The following MDM2 variants were observed in gnomAD, a reference collection of about 807,000 sequenced individuals.
The protein encoded by MDM2 is MDM2 proto-oncogene, also known as E3 ubiquitin-protein ligase Mdm2.
Under a neutral mutation model 64.3 loss-of-function variants are expected in MDM2, and 11 were observed. The ratio of observed to expected loss-of-function variants is 0.17; its 90% confidence interval spans 0.11 to 0.28. The LOEUF (loss-of-function observed/expected upper bound fraction) is 0.28. Among genes scored for constraint, MDM2 ranks in the 10% least tolerant of loss-of-function variants. The pLI, the probability that MDM2 is intolerant of heterozygous loss-of-function variation, is 1.00. For missense variants in MDM2, 388 were observed against 577.1 expected (o/e 0.67, Z 3.36); for synonymous variants, 194 against 192.9 (o/e 1.01, Z -0.05).
chr12:68,810,250 C>T lies in MDM2; in HGVS notation c.99+958C>T, dbSNP rs376392657. On this transcript the variant is annotated intron_variant, in intron 2 of 10. Coordinates refer to ENST00000258149, the MANE Select transcript of MDM2 (RefSeq NM_002392.6). ...GCTTGAACCCAGGAGGCAGAGGTTG[C>T]GGTGAGCCAAGATTGCGCCATTTCA... Among the ~76,000 whole-genome samples the T allele has an allele frequency of 5.9e-3, 881 of 150,214 alleles. 13 individuals are homozygous for T. Among genetic ancestry groups the T allele is most frequent in the African/African-American group, 0.021 (854 of 40,800 alleles).
chr12:68,808,223 T>A lies in MDM2; in HGVS notation c.-255T>A. The A allele has an allele frequency of 1.8e-6, 1 of 543,182 alleles. No individual in the cohort carries two copies. Among genetic ancestry groups the A allele is most frequent in the Non-Finnish European group, 3.2e-6 (1 of 308,604 alleles). 33.6% of individuals were successfully genotyped at this position (543,182 alleles called of 1,614,324 possible). On this transcript the variant is annotated 5_prime_UTR_variant, in exon 1 of 11. Coordinates refer to ENST00000258149, the MANE Select transcript of MDM2 (RefSeq NM_002392.6). The stretch of plus-strand genomic sequence containing the variant: ...GGCGAGCTTGGCTGCTTCTGGGGCC[T>A]GTGTGGCCCTGTGTGTCGGAAAGAT...
chr12:68,850,679 G>A, the MDM2 span: 1 of 152,074 alleles, frequency 6.6e-6, no homozygotes, highest in African/African-American at 2.4e-5. Context: ...TTGTTATTCA[G>A]AACAAAAGCC....
intron 5 of MDM2, among the ~76,000 whole-genome samples, chr12:68,822,983 C>T (rs1451667683): frequency 1.3e-5 from 2 of 152,148 alleles, no homozygotes; most frequent in Admixed American, 6.5e-5. Context: ...TCAGGTGATC[C>T]TCCCACCTTG....
intron 9 of MDM2, 159 bp from the exon 10 acceptor site, chr12:68,836,513 C>T (rs893782495): frequency 2.2e-5 from 12 of 550,652 alleles, no homozygotes; most frequent in Non-Finnish European, 3.6e-5. Flanking sequence ...CTCTCTCCTC[C>T]ATTTTTTCCC....
chr12:68,824,713 A>G (rs1882159318), intron 7 of MDM2, 62 bp downstream of exon 7: 1 of 1,103,130 alleles, frequency 9.1e-7, no homozygotes. Flanking sequence ...CTCTAATGAA[A>G]TTAGTGCTTT....
chr12:68,838,978 AATG>A (rs1200280371), intron 10 of MDM2, among the ~76,000 whole-genome samples: 3 of 152,180 alleles, frequency 2.0e-5, no homozygotes, highest in Non-Finnish European at 4.4e-5. Flanking sequence ...TAAATAGTGA[AATG>A]ATCACTACAG....
Position 68,842,284 on chromosome 12 carries a change from T to C in MDM2, c.*2435T>C. The C allele has an allele frequency of 2.0e-6, 1 of 496,562 alleles. No homozygotes were observed. The highest frequency in any genetic ancestry group is 1.5e-5 in the South Asian group (1 of 64,864). 30.8% of individuals were successfully genotyped at this position (496,562 alleles called of 1,614,324 possible). A position where few individuals can be genotyped will look rare whatever the true frequency, so the allele number is the denominator to read the frequency against. On this transcript the variant is annotated 3_prime_UTR_variant, in exon 11 of 11. Transcript: ENST00000258149. Reference sequence around the variant, plus strand: ...CGGAAAGTTCAGGACATCAAAGAAGTCAGGCAAAACTCATCTTGACCCCTG... The same window carrying C: ...CGGAAAGTTCAGGACATCAAAGAAGCCAGGCAAAACTCATCTTGACCCCTG...
At chr12:68,850,292 A>T (rs1884609001), downstream of MDM2, 1 of 152,078 alleles carries the variant, frequency 6.6e-6, no homozygotes, top group Non-Finnish European at 1.5e-5. Context: ...TCCCAAAAAA[A>T]AAAAAAAAAG....
intron 4 of MDM2, among the ~76,000 whole-genome samples, chr12:68,817,588 A>G (rs1004479949): frequency 3.3e-5 from 5 of 151,780 alleles, no homozygotes; most frequent in Non-Finnish European, 5.9e-5. Flanking sequence ...TGTCTCTACT[A>G]AAAATACAAA....
At chr12:68,825,065 C>T (rs773506141) in intron 7 of MDM2, among the ~76,000 whole-genome samples, 27 of 151,766 alleles carry the variant, frequency 1.8e-4, no homozygotes, top group Non-Finnish European at 3.4e-4. Flanking sequence ...CAAAAAGTAG[C>T]TGGGCCTGGT....
At chr12:68,836,847 A>G (rs1004161739) in intron 10 of MDM2, 98 bp downstream of exon 10, 2 of 764,124 alleles carry the variant, frequency 2.6e-6, no homozygotes, top group African/African-American at 1.8e-5. Flanking sequence ...TGATTTTTAT[A>G]AAGTTAAAAT....
At chr12:68,849,441 GTCTC>G (rs1232144780), downstream of MDM2, 1 of 145,376 alleles carries the variant, frequency 6.9e-6, no homozygotes, top group Non-Finnish European at 1.5e-5. Context: ...TTTTGAGACA[GTCTC>G]TCACTCCAGG....
At chr12:68,810,412 C>T (rs536331496) in intron 2 of MDM2, among the ~76,000 whole-genome samples, 1 of 152,036 alleles carries the variant, frequency 6.6e-6, no homozygotes, top group East Asian at 1.9e-4. Flanking sequence ...CCAAAAGGCT[C>T]TAACAGTTTC....
At chr12:68,825,835 C>T (rs577444865) in intron 7 of MDM2, among the ~76,000 whole-genome samples, 7 of 152,126 alleles carry the variant, frequency 4.6e-5, no homozygotes, top group East Asian at 1.9e-4. Flanking sequence ...CTCGTACATG[C>T]GGGCAGAAGA....
At chr12:68,808,908 T>G in intron 1 of MDM2, 1 of 1,359,514 alleles carries the variant, frequency 7.4e-7, no homozygotes, top group Non-Finnish European at 9.4e-7. Flanking sequence ...TTGACTCAGC[T>G]TTTCCTCTTG....
In MDM2 at chr12:68,840,575, A is replaced by G; in HGVS notation, c.*726A>G. 5.2e-6 allele frequency: 1 copy of G among 191,254 alleles called. No individual in the cohort carries two copies. Among genetic ancestry groups the G allele is most frequent in the Non-Finnish European group, 1.1e-5 (1 of 91,570 alleles). 11.8% of individuals were successfully genotyped at this position (191,254 alleles called of 1,614,324 possible). A position where few individuals can be genotyped will look rare whatever the true frequency, so the allele number is the denominator to read the frequency against. ...GTCGCCCAGGCTGGAGTGCAGTGTC[A>G]TGATCTAGCAGTCTCCGCTTCCCGG... On this transcript the variant is annotated 3_prime_UTR_variant, in exon 11 of 11. Coordinates refer to ENST00000258149, the MANE Select transcript of MDM2 (RefSeq NM_002392.6).
At chr12:68,814,458 A>G in intron 3 of MDM2, 1 of 206,870 alleles carries the variant, frequency 4.8e-6, no homozygotes. Context: ...TTGGTGATGA[A>G]ATCACAGGTA....
At chr12:68,808,850 G>A in intron 1 of MDM2, 6 of 929,072 alleles carry the variant, frequency 6.5e-6, no homozygotes, top group Non-Finnish European at 7.7e-6. Context: ...TCACTAGTGT[G>A]AACGCTGCGC....
chr12:68,815,476 C>G (rs1024181137), intron 3 of MDM2, among the ~76,000 whole-genome samples: 2 of 129,714 alleles, frequency 1.5e-5, no homozygotes, highest in African/African-American at 3.0e-5. Flanking sequence ...GTTTCTCACT[C>G]TCTTGCCCAG....
Sources: allele counts gnomAD v4.1 joint callset (sites outside exome capture counted in the v4.1 genomes callset), GRCh38; gene constraint gnomAD v4.1.1; transcripts MANE v1.5; gene names NCBI Gene and HGNC (gene_info 2026-07-23, HGNC 2026-07-21).